Variants in SRGAP2C observed in about 807,000 individuals in gnomAD.
The protein encoded by SRGAP2C is SLIT-ROBO Rho GTPase-activating protein 2C.
SRGAP2C carries 15 observed loss-of-function variants against 25.1 expected under a neutral mutation model. The ratio of observed to expected loss-of-function variants is 0.60; its 90% CI spans 0.40 to 0.92. The LOEUF (loss-of-function observed/expected upper bound fraction) is 0.92, where lower values mean the gene tolerates loss of function less well. Among genes scored for constraint, SRGAP2C ranks in the 40% least tolerant of loss-of-function variants. SRGAP2C has a pLI of 0.00. For missense variants in SRGAP2C, 144 were observed against 264.4 expected (o/e 0.54, Z 3.16); for synonymous variants, 44 against 96.6 (o/e 0.46, Z 3.19).
chr1:121,237,330 G>T (rs1166074465), intron 2 of SRGAP2C, among the ~76,000 whole-genome samples: 7 of 151,232 alleles, frequency 4.6e-5, no homozygotes, highest in Non-Finnish European at 1.0e-4. Flanking sequence ...GAGGAGCTGG[G>T]CTCAAGCGAA....
chr1:121,212,379 C>T (rs1274622565), intron 2 of SRGAP2C, among the ~76,000 whole-genome samples: 1 of 152,036 alleles, frequency 6.6e-6, no homozygotes, highest in Admixed American at 6.5e-5. Flanking sequence ...ATCTGCTTGC[C>T]TCGGCCTCTC....
intron 3 of SRGAP2C, among the ~76,000 whole-genome samples, chr1:121,298,225 G>A (rs1332094267): frequency 6.6e-6 from 1 of 150,820 alleles, no homozygotes; most frequent in African/African-American, 2.4e-5. Flanking sequence ...CAACCTTGGT[G>A]GGTTACTTTT....
At chr1:121,370,473 G>C (rs1208693924) in intron 5 of SRGAP2C, among the ~76,000 whole-genome samples, 2 of 114,932 alleles carry the variant, frequency 1.7e-5, no homozygotes, top group African/African-American at 6.8e-5. Context: ...ATGGAGTCTC[G>C]CTCTGTTGCC....
At chr1:121,264,595 C>G (rs1175902667) in intron 2 of SRGAP2C, among the ~76,000 whole-genome samples, 2 of 147,120 alleles carry the variant, frequency 1.4e-5, no homozygotes, top group African/African-American at 5.0e-5. Flanking sequence ...TCTGTTGCCT[C>G]TGGGCCTTTG....
At chr1:121,239,246 C>A (rs1482988528) in intron 2 of SRGAP2C, among the ~76,000 whole-genome samples, 1 of 732 alleles carries the variant, frequency 1.4e-3, no homozygotes, top group Non-Finnish European at 2.0e-3. Context: ...TATATATATA[C>A]TATATATATA....
At chr1:121,236,300 C>T (rs1363003191) in intron 2 of SRGAP2C, among the ~76,000 whole-genome samples, 1 of 151,752 alleles carries the variant, frequency 6.6e-6, no homozygotes, top group South Asian at 2.1e-4. Flanking sequence ...TTCTGCCTCA[C>T]TCTTACAAAG....
intron 2 of SRGAP2C, among the ~76,000 whole-genome samples, chr1:121,204,604 C>T (rs1295716671): frequency 2.0e-5 from 3 of 152,214 alleles, no homozygotes; most frequent in Admixed American, 6.5e-5. Flanking sequence ...CTCTTTTAGG[C>T]CATCTTGCTT....
intron 3 of SRGAP2C, among the ~76,000 whole-genome samples, chr1:121,287,172 A>C (rs1413391698): frequency 1.3e-5 from 1 of 79,564 alleles, no homozygotes; most frequent in Non-Finnish European, 2.6e-5. Flanking sequence ...TGTGGAATAA[A>C]TAAATGAATG....
intron 8 of SRGAP2C, among the ~76,000 whole-genome samples, chr1:121,385,526 G>GAAA (rs1394010642): frequency 7.6e-6 from 1 of 132,174 alleles, no homozygotes; most frequent in Non-Finnish European, 1.6e-5. Context: ...GCCAATGGAG[G>GAAA]AAAAGGTCAA....
chr1:121,375,890 A>T (rs587707523), intron 7 of SRGAP2C, among the ~76,000 whole-genome samples: 55 of 151,692 alleles, frequency 3.6e-4, no homozygotes, highest in African/African-American at 1.3e-3. Context: ...CCTGTCAGGA[A>T]GGTATCCAGC....
intron 2 of SRGAP2C, among the ~76,000 whole-genome samples, chr1:121,282,970 A>G (rs1657284502): frequency 6.8e-6 from 1 of 147,610 alleles, no homozygotes; most frequent in Middle Eastern, 3.5e-3. Flanking sequence ...TTTCACTAAT[A>G]TATTGAAGGG....
At chr1:121,305,101 C>G (rs1185746085) in intron 3 of SRGAP2C, among the ~76,000 whole-genome samples, 21 of 148,080 alleles carry the variant, frequency 1.4e-4, no homozygotes, top group Non-Finnish European at 2.7e-4. Flanking sequence ...AGCAAGCCAT[C>G]TTATGGATTG....
At chr1:121,347,560 T>C (rs1380404120) in intron 4 of SRGAP2C, among the ~76,000 whole-genome samples, 1 of 152,126 alleles carries the variant, frequency 6.6e-6, no homozygotes, top group Non-Finnish European at 1.5e-5. Context: ...CTGCATGCTC[T>C]GGCTTGGAGA....
intron 2 of SRGAP2C, among the ~76,000 whole-genome samples, chr1:121,190,823 T>A (rs1294530768): frequency 3.5e-5 from 5 of 143,970 alleles, no homozygotes; most frequent in African/African-American, 1.0e-4. Context: ...CAATCAGAAT[T>A]GTTTGAGTCA....
intron 4 of SRGAP2C, among the ~76,000 whole-genome samples, chr1:121,329,121 G>A (rs1220688374): frequency 1.2e-4 from 17 of 144,286 alleles, no homozygotes; most frequent in African/African-American, 3.8e-4. Context: ...TGAAGCAGGA[G>A]AATCTCTTGA....
intron 2 of SRGAP2C, among the ~76,000 whole-genome samples, chr1:121,250,843 G>A (rs1434187920): frequency 5.7e-5 from 7 of 122,108 alleles, no homozygotes; most frequent in African/African-American, 2.5e-4. Context: ...GAAGCCAAAG[G>A]GGCTTTCAGA....
intron 2 of SRGAP2C, among the ~76,000 whole-genome samples, chr1:121,191,217 C>T (rs1475883400): frequency 6.6e-6 from 1 of 151,972 alleles, no homozygotes; most frequent in Non-Finnish European, 1.5e-5. Flanking sequence ...CCCCACTTCC[C>T]CCAGGATACC....
chr1:121,217,269 A>T (rs1257348587), intron 2 of SRGAP2C, among the ~76,000 whole-genome samples: 2 of 149,582 alleles, frequency 1.3e-5, no homozygotes, highest in Non-Finnish European at 3.0e-5. Flanking sequence ...TTGAAATCAC[A>T]CATTTGGGTA....
rs1395746275 is a variant in SRGAP2C, at chr1:121,354,321, T to G, written c.424-10972T>G. ...TTCTTTCTTTCTTTCTTTCTTTCTT[T>G]CTTTCTTTTCTTTCTCTCTCTCTCT... On this transcript the variant is annotated intron_variant, in intron 4 of 9. Coordinates refer to ENST00000367123, the MANE Select transcript of SRGAP2C (RefSeq NM_001329984.2). Among the ~76,000 whole-genome samples, 7 of 65,028 alleles carry G rather than the reference T, an allele frequency of 1.1e-4. 2 individuals are homozygous for G. The highest frequency in any genetic ancestry group is 2.0e-4 in the Non-Finnish European group (7 of 34,548). The allele number at this position is 65,028 out of a possible 152,430, so 42.7% of individuals were successfully genotyped here. A position where few individuals can be genotyped will look rare whatever the true frequency, so the allele number is the denominator to read the frequency against.
Sources: gnomAD v4.1 joint callset for allele counts (sites outside exome capture counted in the v4.1 genomes callset) on GRCh38, gnomAD v4.1.1 for gene constraint, MANE v1.5 for transcripts, NCBI Gene and HGNC (gene_info 2026-07-23, HGNC 2026-07-21) for gene names.